The following SLTM variants were observed in gnomAD, a reference collection of about 807,000 sequenced individuals.
SLTM encodes the protein SAFB-like transcription modulator.
Under a neutral mutation model 134.6 loss-of-function variants are expected in SLTM, and 43 were observed. That is an observed-to-expected ratio of 0.32 (90% CI 0.25 to 0.41). The LOEUF (loss-of-function observed/expected upper bound fraction) is 0.41. SLTM is among the 10% of genes least tolerant of loss of function. The pLI is 1.00. For missense variants in SLTM, 1,055 were observed against 1,288.8 expected, an observed-to-expected ratio of 0.82 and a Z score of 2.78; for synonymous variants, 424 against 432.3, an observed-to-expected ratio of 0.98 and a Z score of 0.24.
Position 58,933,501 on chromosome 15 carries a change from A to G in SLTM, c.65T>C (p.Ile22Thr). 6.2e-7 allele frequency: 1 copy of G among 1,600,180 alleles called. No individual in the cohort carries two copies. Among genetic ancestry groups the G allele is most frequent in the Non-Finnish European group, 8.5e-7 (1 of 1,174,072 alleles). Residue 22 changes from isoleucine (I) to threonine (T), a missense_variant, in exon 1 of 21, where the codon ATC becomes ACC. By Grantham distance (89) the Ile-to-Thr change is moderately conservative (BLOSUM62 -1). Transcript: ENST00000380516. ...AASGQAEGKK[I>T]TDLRVIDLKS... ...CAGATCGATGACCCGCAGATCGGTGATCTTTTTACCTTCCGCCTGACCCGA... is the reference window on the plus strand; with the variant it reads ...CAGATCGATGACCCGCAGATCGGTGGTCTTTTTACCTTCCGCCTGACCCGA...
In SLTM at chr15:58,933,570, G is replaced by C; in HGVS notation, c.-5C>G. ...CGCACCGGTAGCGGCAGCCATCTTA[G>C]AAGAGCAGCGCGCTGCCGAGGCAGC... On this transcript the variant is annotated 5_prime_UTR_variant, in exon 1 of 21. Coordinates refer to ENST00000380516, the MANE Select transcript of SLTM (RefSeq NM_024755.4). 1 of 1,581,518 alleles carries C rather than the reference G, an allele frequency of 6.3e-7. No individual in the cohort carries two copies. Among genetic ancestry groups the C allele is most frequent in the Non-Finnish European group, 8.6e-7 (1 of 1,165,888 alleles).
intron 5 of SLTM, among the ~76,000 whole-genome samples, chr15:58,912,021 T>A (rs2036306334): frequency 1.3e-5 from 2 of 152,152 alleles, no homozygotes; most frequent in Admixed American, 6.6e-5. Context: ...ATGGACTTTT[T>A]TCTAAAACTC....
At chr15:58,917,020 G>A (rs1159745074) in intron 2 of SLTM, 21 bp from the exon 3 acceptor site, 2 of 1,609,630 alleles carry the variant, frequency 1.2e-6, no homozygotes, top group Non-Finnish European at 1.7e-6. Context: ...AGGAAAATGG[G>A]CTAACAACCA....
chr15:58,929,699 T>G (rs1258219294), intron 2 of SLTM, among the ~76,000 whole-genome samples: 1 of 152,176 alleles, frequency 6.6e-6, no homozygotes, highest in East Asian at 1.9e-4. Context: ...ATTATAGGCA[T>G]GAGCCACTGC....
chr15:58,881,111 C>G (rs2013117), intron 20 of SLTM, among the ~76,000 whole-genome samples: 3 of 151,562 alleles, frequency 2.0e-5, no homozygotes, highest in Non-Finnish European at 2.9e-5. Flanking sequence ...GGAGAATTGC[C>G]TGAACCCGGG....
intron 2 of SLTM, among the ~76,000 whole-genome samples, chr15:58,917,732 G>C (rs1405459784): frequency 1.3e-5 from 2 of 152,018 alleles, no homozygotes; most frequent in African/African-American, 4.8e-5. Flanking sequence ...CTGGTAGTTA[G>C]AAATTTTTTT....
chr15:58,921,593 A>G, intron 2 of SLTM: 1 of 444,742 alleles, frequency 2.2e-6, no homozygotes, highest in South Asian at 1.6e-5. Context: ...ATCTTAAAAG[A>G]CATTAGGACA....
chr15:58,909,657 G>A (rs748888170), intron 5 of SLTM, among the ~76,000 whole-genome samples: 14 of 152,198 alleles, frequency 9.2e-5, no homozygotes, highest in Admixed American at 3.3e-4. Flanking sequence ...GAAGAATACA[G>A]TACTACACCT....
intron 5 of SLTM, among the ~76,000 whole-genome samples, chr15:58,903,788 G>A (rs954817307): frequency 2.0e-5 from 3 of 151,850 alleles, no homozygotes; most frequent in Non-Finnish European, 4.4e-5. Flanking sequence ...CGCAAACACT[G>A]AGCATTGCTG....
In SLTM at chr15:58,899,609, A is replaced by G. The variant is rs996704543; in HGVS notation, c.918T>C (p.Gly306=). Residue 306 remains glycine (G), a synonymous_variant, in exon 7 of 21, where the codon GGT becomes GGC. Transcript: ENST00000380516. The surrounding 1 kb of genome is among the most constrained non-coding windows in gnomAD (Gnocchi z 5.0). ...DYEMNANHKD[G]KKEDCVKGDP... ...CACCCTTCACGCAGTCTTCCTTCTT[A>G]CCATCTTTATGGTTCGCATTCATCT... 6.2e-7 allele frequency: 1 copy of G among 1,614,100 alleles called. No homozygotes were observed. The highest frequency in any genetic ancestry group is 1.6e-4 in the Middle Eastern group (1 of 6,062).
At chr15:58,915,138 C>T (rs2036539047) in intron 3 of SLTM, among the ~76,000 whole-genome samples, 1 of 152,050 alleles carries the variant, frequency 6.6e-6, no homozygotes, top group South Asian at 2.1e-4. Flanking sequence ...TTGCAGCGAG[C>T]TGACATCGCA....
At chr15:58,892,011 G>A (rs2034676233) in intron 14 of SLTM, among the ~76,000 whole-genome samples, 1 of 152,096 alleles carries the variant, frequency 6.6e-6, no homozygotes, top group East Asian at 1.9e-4. Flanking sequence ...GAGAAAATGG[G>A]TTCTATGTGC....
chr15:58,933,206 C>G (rs2038010500), intron 1 of SLTM, among the ~76,000 whole-genome samples, 198 bp downstream of exon 1: 2 of 151,744 alleles, frequency 1.3e-5, no homozygotes, highest in Admixed American at 6.6e-5. Context: ...AGGCCCGGCC[C>G]GGCCCGGGGC....
At chr15:58,907,192 T>C (rs2035922750) in intron 5 of SLTM, among the ~76,000 whole-genome samples, 2 of 152,178 alleles carry the variant, frequency 1.3e-5, no homozygotes, top group African/African-American at 4.8e-5. Context: ...GTGAGAGGTA[T>C]ACAGATTTTT....
At chr15:58,896,267 T>C (rs1196307522) in intron 9 of SLTM, among the ~76,000 whole-genome samples, 3 of 152,082 alleles carry the variant, frequency 2.0e-5, no homozygotes, top group Non-Finnish European at 2.9e-5. Context: ...TGATTAGGTT[T>C]ATATATTTAG....
At chr15:58,883,924 C>G in intron 19 of SLTM, 138 bp from the exon 20 acceptor site, 2 of 815,854 alleles carry the variant, frequency 2.5e-6, no homozygotes, top group South Asian at 3.7e-5. Flanking sequence ...ATGGTGCAAC[C>G]CCGTTTCTAC....
At chr15:58,898,882 G>GAAAACA (rs747236112) in intron 7 of SLTM, 30 bp from the exon 8 acceptor site, 1 of 1,582,198 alleles carries the variant, frequency 6.3e-7, no homozygotes, top group Non-Finnish European at 8.6e-7. Flanking sequence ...GAAGAAAATT[G>GAAAACA]AAAACAAAAA....
At chr15:58,906,525 G>C (rs557344511) in intron 5 of SLTM, among the ~76,000 whole-genome samples, 8 of 152,128 alleles carry the variant, frequency 5.3e-5, no homozygotes, top group Non-Finnish European at 1.2e-4. Flanking sequence ...AGTGAACCAA[G>C]TATTTACTAC....
intron 5 of SLTM, among the ~76,000 whole-genome samples, chr15:58,906,168 A>T (rs1595887252): frequency 1.3e-5 from 2 of 152,256 alleles, no homozygotes; most frequent in East Asian, 3.8e-4. Flanking sequence ...TCTAAATGGT[A>T]TATATGCACA....
Sources: gnomAD v4.1 joint callset for allele counts (sites outside exome capture counted in the v4.1 genomes callset) on GRCh38, gnomAD v4.1.1 for gene constraint, Gnocchi (gnomAD v3.1) non-coding constraint, MANE v1.5 for transcripts, NCBI Gene and HGNC (gene_info 2026-07-23, HGNC 2026-07-21) for gene names.